The following MICU2 variants were observed in gnomAD, a reference collection of about 807,000 sequenced individuals.
The protein encoded by MICU2 is mitochondrial calcium uptake 2.
A neutral mutation model predicts 60.4 loss-of-function variants in MICU2; 64 were observed. The observed-to-expected ratio is 1.06, with a 90% CI of 0.87 to 1.31. The LOEUF is 1.31. MICU2 is among the 50% of genes most tolerant of loss of function. MICU2 has a pLI of 0.00. For missense variants in MICU2, 569 were observed against 531.0 expected (o/e 1.07, Z -0.70); for synonymous variants, 201 against 175.0 (o/e 1.15, Z -1.17).
chr13:21,572,307 G>C (rs1566165261), intron 1 of MICU2, among the ~76,000 whole-genome samples: 1 of 152,224 alleles, frequency 6.6e-6, no homozygotes, highest in Non-Finnish European at 1.5e-5. Flanking sequence ...TTTTTCTGGA[G>C]GTTTTCAGGA....
chr13:21,573,551 TG>T (rs1566165715), intron 1 of MICU2, among the ~76,000 whole-genome samples: 3 of 152,030 alleles, frequency 2.0e-5, no homozygotes, highest in Non-Finnish European at 4.4e-5. Flanking sequence ...GGATTACAGG[TG>T]TGAGCCACTG....
intron 1 of MICU2, among the ~76,000 whole-genome samples, chr13:21,589,436 T>C (rs1227313593): frequency 6.6e-6 from 1 of 151,952 alleles, no homozygotes; most frequent in Non-Finnish European, 1.5e-5. Flanking sequence ...TTTTGGAAAA[T>C]CAAGCAAAAC....
At chr13:21,506,806 C>T (rs1267591952) in intron 8 of MICU2, among the ~76,000 whole-genome samples, 1 of 152,170 alleles carries the variant, frequency 6.6e-6, no homozygotes, top group African/African-American at 2.4e-5. Flanking sequence ...GCTCTTCTAG[C>T]GATACCCTGT....
At chr13:21,510,951 A>G (rs1886414429) in intron 7 of MICU2, among the ~76,000 whole-genome samples, 1 of 152,194 alleles carries the variant, frequency 6.6e-6, no homozygotes, top group African/African-American at 2.4e-5. Flanking sequence ...ACTCTTCAGC[A>G]AGCTCCTCTC....
intron 2 of MICU2, among the ~76,000 whole-genome samples, chr13:21,560,593 C>T (rs1887815948): frequency 1.3e-5 from 2 of 151,480 alleles, no homozygotes; most frequent in South Asian, 2.1e-4. Context: ...CTTGTTTTTC[C>T]GTATAAATTT....
intron 6 of MICU2, among the ~76,000 whole-genome samples, chr13:21,519,754 C>G (rs887776875): frequency 2.0e-5 from 3 of 152,200 alleles, no homozygotes; most frequent in Non-Finnish European, 4.4e-5. Flanking sequence ...GAGTCAGGAT[C>G]TTTCTCAACT....
At chr13:21,515,581 T>TA (rs1296198892) in intron 6 of MICU2, 6 of 434,414 alleles carry the variant, frequency 1.4e-5, no homozygotes, top group Non-Finnish European at 2.8e-5. Flanking sequence ...AAAGCAAATT[T>TA]AAAAAAGAAA....
chr13:21,557,402 G>C (rs1398562652), intron 2 of MICU2, among the ~76,000 whole-genome samples: 2 of 152,142 alleles, frequency 1.3e-5, no homozygotes, highest in Non-Finnish European at 2.9e-5. Flanking sequence ...GGTTTTTAGA[G>C]TGCACAATGG....
At position 21,596,812 on chromosome 13, in the gene MICU2, C is replaced by T. The variant is rs73158461; in HGVS notation, c.210+7127G>A. Among the ~76,000 whole-genome samples, 801 of 152,226 alleles carry T rather than the reference C, an allele frequency of 5.3e-3. 2 individuals are homozygous for T. The highest frequency in any genetic ancestry group is 8.4e-3 in the Non-Finnish European group (570 of 68,024). On this transcript the variant is annotated intron_variant, in intron 1 of 11. Coordinates refer to ENST00000382374, the MANE Select transcript of MICU2 (RefSeq NM_152726.3). ...ATTCTCTTGCTAAGAGGATTTTCAG[C>T]CAATTGTTAAGATACAGAGCTTGTT...
At chr13:21,560,398 C>T (rs1887812576) in intron 2 of MICU2, among the ~76,000 whole-genome samples, 2 of 152,170 alleles carry the variant, frequency 1.3e-5, no homozygotes, top group African/African-American at 4.8e-5. Context: ...TGCCACCTCT[C>T]TCATATATAA....
chr13:21,586,740 TAGCTTA>T (rs1374591353), intron 1 of MICU2, among the ~76,000 whole-genome samples: 3 of 152,194 alleles, frequency 2.0e-5, no homozygotes, highest in Admixed American at 1.3e-4. Flanking sequence ...GTCTTCCTTA[TAGCTTA>T]AGCTTATGTT....
At chr13:21,523,156 A>C (rs1227059549) in intron 4 of MICU2, among the ~76,000 whole-genome samples, 2 of 152,114 alleles carry the variant, frequency 1.3e-5, no homozygotes, top group Non-Finnish European at 2.9e-5. Context: ...CAGGCCTCCA[A>C]ATGTGGACTG....
Position 21,522,661 on chromosome 13 carries a change from T to C in MICU2, c.467-11A>G. The C allele has an allele frequency of 6.3e-7, 1 of 1,586,410 alleles. No homozygotes were observed. The highest frequency in any genetic ancestry group is 8.6e-7 in the Non-Finnish European group (1 of 1,163,374). ...TATATGAAATTAGCCCTGAAAGAGA[T>C]AAAAACATACCAGAAAATAAGCTTT... On this transcript the variant is annotated splice_polypyrimidine_tract_variant and intron_variant, in intron 4 of 11. Coordinates refer to ENST00000382374, the MANE Select transcript of MICU2 (RefSeq NM_152726.3).
At chr13:21,578,470 T>C (rs1426774260) in intron 1 of MICU2, among the ~76,000 whole-genome samples, 1 of 152,076 alleles carries the variant, frequency 6.6e-6, no homozygotes, top group African/African-American at 2.4e-5. Context: ...ATGTCCATGG[T>C]CCCAGCTACT....
At chr13:21,552,440 C>T (rs1593340934) in intron 2 of MICU2, among the ~76,000 whole-genome samples, 1 of 152,244 alleles carries the variant, frequency 6.6e-6, no homozygotes, top group Non-Finnish European at 1.5e-5. Flanking sequence ...TTAATTAGAT[C>T]CCATTTGTCA....
At chr13:21,520,506 C>T (rs2138164162) in intron 6 of MICU2, among the ~76,000 whole-genome samples, 1 of 152,138 alleles carries the variant, frequency 6.6e-6, no homozygotes, top group East Asian at 1.9e-4. Flanking sequence ...CATAAGTACT[C>T]ATTAATTCAT....
intron 9 of MICU2, among the ~76,000 whole-genome samples, chr13:21,499,435 A>G (rs955992071): frequency 6.7e-6 from 1 of 150,128 alleles, no homozygotes; most frequent in Non-Finnish European, 1.5e-5. Flanking sequence ...TTTGAGATGG[A>G]GTCTCGCTCT....
intron 2 of MICU2, among the ~76,000 whole-genome samples, chr13:21,544,515 T>TG (rs1491214543): frequency 0.02 from 76 of 3,710 alleles, 2 homozygotes; most frequent in Non-Finnish European, 0.029. Flanking sequence ...AATAAACACA[T>TG]GAAAAAAAAA....
At chr13:21,536,495 T>C (rs1314710691) in intron 4 of MICU2, among the ~76,000 whole-genome samples, 4 of 152,080 alleles carry the variant, frequency 2.6e-5, no homozygotes, top group Non-Finnish European at 5.9e-5. Context: ...GCCTGGCTAA[T>C]TTTTCTTTTA....
Sources: allele counts gnomAD v4.1 joint callset (sites outside exome capture counted in the v4.1 genomes callset), GRCh38; gene constraint gnomAD v4.1.1; transcripts MANE v1.5; gene names NCBI Gene and HGNC (gene_info 2026-07-23, HGNC 2026-07-21).